TSPAN7: variants seen among roughly 807,000 people sequenced by gnomAD.
TSPAN7 encodes tetraspanin-7.
Under a neutral mutation model 17.6 loss-of-function variants are expected in TSPAN7, and 1 was observed. The ratio of observed to expected loss-of-function variants is 0.06; its 90% CI spans 0.02 to 0.27. The LOEUF is 0.27. Among genes scored for constraint, TSPAN7 ranks in the 10% least tolerant of loss-of-function variants. The pLI, the probability that TSPAN7 is intolerant of heterozygous loss-of-function variation, is 1.00. For synonymous variants in TSPAN7, 78 were observed against 79.0 expected (o/e 0.99, Z 0.07); for missense variants, 112 against 201.7 (o/e 0.56, Z 2.69).
At chrX:38,623,177 T>A (rs1237044639) in intron 1 of TSPAN7, 1 of 296,562 alleles carries the variant, frequency 3.4e-6, no homozygotes, top group Non-Finnish European at 6.4e-6. Flanking sequence ...GTGTGATCAT[T>A]GTCAGATTTA....
chrX:38,643,672 CA>C (rs34238064), intron 1 of TSPAN7, among the ~76,000 whole-genome samples: 18,489 of 55,953 alleles, frequency 0.33, 2,282 homozygotes, highest in East Asian at 0.58. Flanking sequence ...CCGTCTCTAC[CA>C]AAAAAAAAAA....
At chrX:38,652,860 C>T (rs957699329) in intron 1 of TSPAN7, among the ~76,000 whole-genome samples, 2 of 112,201 alleles carry the variant, frequency 1.8e-5, no homozygotes, top group Non-Finnish European at 3.8e-5. Flanking sequence ...GTACTGGTTT[C>T]CTCACAGCTC....
intron 1 of TSPAN7, among the ~76,000 whole-genome samples, chrX:38,619,757 A>C (rs1360617855): frequency 8.9e-6 from 1 of 112,158 alleles, no homozygotes; most frequent in Non-Finnish European, 1.9e-5. Context: ...ATGAATTTTT[A>C]TGATTGGAGG....
In TSPAN7 at chrX:38,688,285, T is replaced by A. The variant is rs2069937102; in HGVS notation, c.*354T>A. ...TCATCGGTGACTGGTTATCACACCA[T>A]CGCTGGCCCCTTTGGGCCCTGCATG... On this transcript the variant is annotated 3_prime_UTR_variant, in exon 8 of 8. Transcript: ENST00000378482. 1 of 113,512 alleles carries A rather than the reference T, an allele frequency of 8.8e-6. No homozygotes were observed. The highest frequency in any genetic ancestry group is 3.6e-4 in the South Asian group (1 of 2,812). 9.4% of individuals were successfully genotyped at this position (113,512 alleles called of 1,213,427 possible). A position where few individuals can be genotyped will look rare whatever the true frequency, so the allele number is the denominator to read the frequency against.
intron 1 of TSPAN7, among the ~76,000 whole-genome samples, chrX:38,641,309 CTG>C (rs908264469): frequency 1.8e-5 from 2 of 112,324 alleles, no homozygotes; most frequent in Non-Finnish European, 3.8e-5. Flanking sequence ...ACAAAGAAAA[CTG>C]TGCGATACTA....
At chrX:38,635,857 C>A (rs562519224) in intron 1 of TSPAN7, among the ~76,000 whole-genome samples, 1 of 111,452 alleles carries the variant, frequency 9.0e-6, no homozygotes, top group African/African-American at 3.3e-5. Context: ...AACACTGTTA[C>A]CACTAGCTAT....
At chrX:38,651,378 T>C (rs2069675271) in intron 1 of TSPAN7, among the ~76,000 whole-genome samples, 1 of 110,982 alleles carries the variant, frequency 9.0e-6, no homozygotes, top group Non-Finnish European at 1.9e-5. Flanking sequence ...GGCAGGAGAA[T>C]GGCATGAACC....
chrX:38,646,228 C>G, intron 1 of TSPAN7: 12 of 1,131,330 alleles, frequency 1.1e-5, no homozygotes, highest in Non-Finnish European at 1.4e-5. Context: ...TAGAGCTTTT[C>G]TATAATATCT....
At chrX:38,670,841 C>G (rs1172001877) in intron 2 of TSPAN7, among the ~76,000 whole-genome samples, 2 of 112,292 alleles carry the variant, frequency 1.8e-5, no homozygotes, top group Non-Finnish European at 3.8e-5. Flanking sequence ...GCACCAATGC[C>G]AGTGAGTGGA....
chrX:38,610,368 C>CAT, intron 1 of TSPAN7, among the ~76,000 whole-genome samples: 1 of 112,077 alleles, frequency 8.9e-6, no homozygotes, highest in African/African-American at 3.2e-5. Context: ...TGCTGCATGG[C>CAT]ATATGTAAAC....
chrX:38,624,422 A>G (rs1431760517), intron 1 of TSPAN7, among the ~76,000 whole-genome samples: 1 of 112,281 alleles, frequency 8.9e-6, no homozygotes, highest in Non-Finnish European at 1.9e-5. Context: ...CAATTATTGT[A>G]TTTATTTTTA....
Position 38,666,288 on chromosome X carries a change from T to C in TSPAN7, c.249T>C (p.Gly83=), listed in dbSNP as rs2069781312. The C allele has an allele frequency of 8.3e-7, 1 of 1,212,027 alleles. No homozygotes were observed. Among genetic ancestry groups the C allele is most frequent in the Non-Finnish European group, 1.1e-6 (1 of 895,481 alleles). ...TTGGATGCTTTGCTACATGTCGTGG[T>C]AGCCCATGGATGCTGAAACTGGTGA... ...GLFGCFATCR[G]SPWMLKLYAM... is the part of the protein sequence containing the mutation. Residue 83 remains glycine, a synonymous_variant, in exon 2 of 8, where the codon GGT becomes GGC. Coordinates refer to ENST00000378482, the MANE Select transcript of TSPAN7 (RefSeq NM_004615.4).
chrX:38,663,585 G>A (rs1179244727), intron 1 of TSPAN7, among the ~76,000 whole-genome samples: 1 of 112,261 alleles, frequency 8.9e-6, no homozygotes, highest in Non-Finnish European at 1.9e-5. Context: ...TGGAGTATTT[G>A]TGTAATTTAC....
At chrX:38,624,345 G>A (rs887270479) in intron 1 of TSPAN7, among the ~76,000 whole-genome samples, 1 of 112,256 alleles carries the variant, frequency 8.9e-6, no homozygotes, top group African/African-American at 3.2e-5. Context: ...TGCCAGATTG[G>A]TTCTGACCAC....
At chrX:38,620,918 C>G (rs1289677188) in intron 1 of TSPAN7, among the ~76,000 whole-genome samples, 2 of 112,362 alleles carry the variant, frequency 1.8e-5, no homozygotes, top group Non-Finnish European at 3.8e-5. Flanking sequence ...TAGCACAATG[C>G]CTGGCACATA....
chrX:38,606,294 G>A (rs1436707172), intron 1 of TSPAN7, among the ~76,000 whole-genome samples: 1 of 112,267 alleles, frequency 8.9e-6, no homozygotes, highest in East Asian at 2.8e-4. Context: ...TATTTTAAAA[G>A]GGAGTAGAAA....
intron 1 of TSPAN7, among the ~76,000 whole-genome samples, chrX:38,641,331 G>C: frequency 8.9e-6 from 1 of 112,305 alleles, no homozygotes; most frequent in Non-Finnish European, 1.9e-5. Flanking sequence ...AGTAATGCAA[G>C]TTCCCTTGGG....
At chrX:38,636,329 C>G (rs144216887) in intron 1 of TSPAN7, among the ~76,000 whole-genome samples, 1 of 111,915 alleles carries the variant, frequency 8.9e-6, no homozygotes, top group East Asian at 2.8e-4. Context: ...AGTGAATAAC[C>G]GTTACTCATT....
At chrX:38,607,861 G>T (rs769072595) in intron 1 of TSPAN7, among the ~76,000 whole-genome samples, 2 of 94,924 alleles carry the variant, frequency 2.1e-5, no homozygotes, top group South Asian at 9.6e-4. Flanking sequence ...TTAGCCTTGA[G>T]GAAAAAAAAA....
Sources: allele counts gnomAD v4.1 joint callset (sites outside exome capture counted in the v4.1 genomes callset), GRCh38; gene constraint gnomAD v4.1.1; transcripts MANE v1.5; gene names NCBI Gene and HGNC (gene_info 2026-07-23, HGNC 2026-07-21).